RNGTT: variants seen among roughly 807,000 people sequenced by gnomAD.
RNGTT encodes mRNA-capping enzyme.
In RNGTT, 33 loss-of-function variants were observed where a neutral mutation model predicts 79.3. The observed-to-expected ratio is 0.42, with a 90% confidence interval of 0.32 to 0.56. The LOEUF is 0.56. Among genes scored for constraint, RNGTT ranks in the 20% least tolerant of loss-of-function variants. RNGTT has a pLI of 0.17. For synonymous variants in RNGTT, 222 were observed against 235.9 expected (o/e 0.94, Z 0.54); for missense variants, 497 against 739.1 (o/e 0.67, Z 3.80).
intron 13 of RNGTT, among the ~76,000 whole-genome samples, chr6:88,678,654 T>G (rs1774976739): frequency 6.6e-6 from 1 of 152,114 alleles, no homozygotes; most frequent in South Asian, 2.1e-4. Context: ...TGTGGTTGTG[T>G]GTGCCTATAG....
intron 13 of RNGTT, among the ~76,000 whole-genome samples, chr6:88,698,211 A>T (rs1351705410): frequency 5.7e-5 from 6 of 105,650 alleles, no homozygotes; most frequent in South Asian, 2.5e-4. Flanking sequence ...ATATATATGA[A>T]ATATATATAT....
intron 11 of RNGTT, among the ~76,000 whole-genome samples, chr6:88,811,189 C>A (rs756294403): frequency 2.0e-5 from 3 of 152,152 alleles, no homozygotes; most frequent in Non-Finnish European, 2.9e-5. Flanking sequence ...AACTAGGATA[C>A]AATCCTTTTC....
At chr6:88,907,144 A>G (rs1175484388) in intron 4 of RNGTT, among the ~76,000 whole-genome samples, 1 of 152,192 alleles carries the variant, frequency 6.6e-6, no homozygotes, top group African/African-American at 2.4e-5. Flanking sequence ...AAGAAAATTT[A>G]TTTTCTTAAA....
intron 8 of RNGTT, among the ~76,000 whole-genome samples, chr6:88,854,010 C>T (rs916217820): frequency 6.6e-6 from 1 of 151,848 alleles, no homozygotes; most frequent in African/African-American, 2.4e-5. Flanking sequence ...CTGCAACCTC[C>T]GCCTCCCAGG....
At chr6:88,637,563 T>C (rs1237948552) in intron 14 of RNGTT, among the ~76,000 whole-genome samples, 1 of 152,102 alleles carries the variant, frequency 6.6e-6, no homozygotes, top group African/African-American at 2.4e-5. Flanking sequence ...TTTCTGGAAA[T>C]GTATACCAAA....
intron 2 of RNGTT, among the ~76,000 whole-genome samples, chr6:88,939,512 T>G (rs2127957954): frequency 6.6e-6 from 1 of 152,278 alleles, no homozygotes; most frequent in Non-Finnish European, 1.5e-5. Context: ...TTTTTCTGAT[T>G]TGTATTGCTT....
At chr6:88,722,017 AGG>A (rs1776725835) in intron 13 of RNGTT, among the ~76,000 whole-genome samples, 1 of 151,824 alleles carries the variant, frequency 6.6e-6, no homozygotes, top group South Asian at 2.1e-4. Flanking sequence ...CCTAGCACAA[AGG>A]TTGGCATACA....
intron 11 of RNGTT, among the ~76,000 whole-genome samples, chr6:88,814,762 G>T (rs949078803): frequency 3.9e-5 from 6 of 152,074 alleles, no homozygotes; most frequent in African/African-American, 1.4e-4. Flanking sequence ...TAGTCTGGAT[G>T]TCATGAGGGA....
chr6:88,752,794 C>G (rs987590236), intron 13 of RNGTT, among the ~76,000 whole-genome samples: 1 of 152,072 alleles, frequency 6.6e-6, no homozygotes, highest in Non-Finnish European at 1.5e-5. Context: ...AGGGGATGGA[C>G]ACCCCATTCT....
intron 2 of RNGTT, among the ~76,000 whole-genome samples, chr6:88,930,418 T>C (rs367671799): frequency 8.6e-5 from 13 of 152,000 alleles, no homozygotes; most frequent in East Asian, 3.9e-4. Context: ...GCCTGTAATC[T>C]TGGCACTTTG....
At chr6:88,933,248 T>C (rs1407202076) in intron 2 of RNGTT, among the ~76,000 whole-genome samples, 2 of 152,236 alleles carry the variant, frequency 1.3e-5, no homozygotes, top group African/African-American at 4.8e-5. Context: ...ATATTTATCA[T>C]TTCTATGTGT....
At chr6:88,873,324 T>A (rs1181645631) in intron 8 of RNGTT, among the ~76,000 whole-genome samples, 1 of 152,194 alleles carries the variant, frequency 6.6e-6, no homozygotes, top group Non-Finnish European at 1.5e-5. Context: ...ACTTTAAATA[T>A]GCTTTTAACT....
At chr6:88,654,942 T>C (rs1009407757) in intron 14 of RNGTT, among the ~76,000 whole-genome samples, 7 of 152,212 alleles carry the variant, frequency 4.6e-5, no homozygotes, top group South Asian at 2.1e-4. Context: ...CACGTATGTG[T>C]GCATATACTA....
At chr6:88,673,584 CACA>C (rs1774737157) in intron 14 of RNGTT, among the ~76,000 whole-genome samples, 1 of 152,058 alleles carries the variant, frequency 6.6e-6, no homozygotes, top group Non-Finnish European at 1.5e-5. Context: ...AAACCTTTCC[CACA>C]ACAACATCAA....
At chr6:88,818,497 C>G (rs1417910057) in intron 11 of RNGTT, among the ~76,000 whole-genome samples, 2 of 152,168 alleles carry the variant, frequency 1.3e-5, no homozygotes, top group African/African-American at 4.8e-5. Context: ...ATCGCTTGAA[C>G]CCGGGAGGCA....
At chr6:88,849,624 A>G in intron 10 of RNGTT, 131 bp downstream of exon 10, 1 of 671,084 alleles carries the variant, frequency 1.5e-6, no homozygotes, top group East Asian at 3.8e-5. Context: ...ATTAAAAAAA[A>G]GATTCCCAGT....
In RNGTT at chr6:88,694,741, A is replaced by T. The variant is rs140649643; in HGVS notation, c.1440-16322T>A. Among the ~76,000 whole-genome samples the T allele has an allele frequency of 9.2e-5, 14 of 152,324 alleles. No homozygotes were observed. In the East Asian group the frequency reaches 2.7e-3, roughly 29 times the overall value. ...TAAAACAGCATGGTACTGCCATAAA[A>T]ATAGATACGCTGACCAATGGAAGAG... On this transcript the variant is annotated intron_variant, in intron 13 of 15. Coordinates refer to ENST00000369485, the MANE Select transcript of RNGTT (RefSeq NM_003800.5).
At chr6:88,777,233 T>C (rs2127847226) in intron 12 of RNGTT, among the ~76,000 whole-genome samples, 1 of 152,344 alleles carries the variant, frequency 6.6e-6, no homozygotes, top group East Asian at 1.9e-4. Flanking sequence ...TACTACACCA[T>C]TTTAATTACT....
intron 13 of RNGTT, among the ~76,000 whole-genome samples, chr6:88,766,980 A>C (rs1368958896): frequency 2.0e-5 from 3 of 152,150 alleles, no homozygotes; most frequent in Non-Finnish European, 4.4e-5. Context: ...TAAAATACTG[A>C]GTTAATGCTA....
Sources: allele counts gnomAD v4.1 joint callset (sites outside exome capture counted in the v4.1 genomes callset), GRCh38; gene constraint gnomAD v4.1.1; transcripts MANE v1.5; gene names NCBI Gene and HGNC (gene_info 2026-07-23, HGNC 2026-07-21).